DNAI7: variants seen among roughly 807,000 people sequenced by gnomAD.
DNAI7 encodes the protein dynein axonemal intermediate chain 7, also known as cancer susceptibility 1.
In DNAI7, 78 loss-of-function variants were observed where a neutral mutation model predicts 86.6. The observed-to-expected ratio is 0.90, with a 90% CI of 0.75 to 1.09. The LOEUF (loss-of-function observed/expected upper bound fraction) is 1.09. Among genes scored for constraint, DNAI7 ranks in the 50% least tolerant of loss-of-function variants. The pLI is 0.00. For synonymous variants in DNAI7, 274 were observed against 273.0 expected (o/e 1.00, Z -0.04); for missense variants, 753 against 810.2 (o/e 0.93, Z 0.86).
intron 2 of DNAI7, among the ~76,000 whole-genome samples, chr12:25,161,454 A>G (rs1343913110): frequency 6.6e-6 from 1 of 152,216 alleles, no homozygotes; most frequent in South Asian, 2.1e-4. Flanking sequence ...TGCAATTTAA[A>G]TAATTCTCAT....
At chr12:25,158,726 TCAAGACAGTAACTA>T in intron 3 of DNAI7, 163 bp from the exon 4 acceptor site, 1 of 1,462,856 alleles carries the variant, frequency 6.8e-7, no homozygotes, top group Non-Finnish European at 9.0e-7. Context: ...TCTCCTTTCT[TCAAGACAGTAACTA>T]CAAGAAAAAA....
At position 25,155,412 on chromosome 12, in the gene DNAI7, C is replaced by G. The variant is rs1319583634; in HGVS notation, c.199G>C (p.Asp67His). Residue 67 changes from aspartate (D) to histidine (H), a missense_variant and splice_region_variant, in exon 5 of 16, where the codon GAT (aspartate) becomes CAT (histidine). Coordinates refer to ENST00000395987, the MANE Select transcript of DNAI7 (RefSeq NM_018272.5). ...AGTTCTTCATTTCTCCTTTCTAGAT[C>G]CTGTTGCACAAGGACAGATACATTG... ...KEKWHRLEAKDLERRNEELEE... is the reference protein window; with the variant it reads ...KEKWHRLEAKHLERRNEELEE... 6.4e-7 allele frequency: 1 copy of G among 1,550,446 alleles called. No homozygotes were observed. The highest frequency in any genetic ancestry group is 8.9e-7 in the Non-Finnish European group (1 of 1,128,150).
chr12:25,190,724 G>A (rs1235061608), intron 1 of DNAI7, 93 bp from the exon 2 acceptor site: 3 of 633,920 alleles, frequency 4.7e-6, no homozygotes, highest in Admixed American at 6.1e-5. Context: ...ATTAGAAGAA[G>A]CTTGGTAAAG....
At chr12:25,124,805 C>T (rs1194164994) in intron 9 of DNAI7, among the ~76,000 whole-genome samples, 1 of 152,094 alleles carries the variant, frequency 6.6e-6, no homozygotes, top group East Asian at 1.9e-4. Context: ...CCAGTGTCTG[C>T]CATTCTCTTC....
intron 6 of DNAI7, among the ~76,000 whole-genome samples, chr12:25,153,822 C>T (rs78816574): frequency 0.01 from 1,554 of 152,026 alleles, 22 homozygotes; most frequent in African/African-American, 0.035. Context: ...TTTTTTCCCC[C>T]AGTATTTTTA....
At chr12:25,176,330 G>C (rs1272407980) in intron 2 of DNAI7, among the ~76,000 whole-genome samples, 1 of 151,922 alleles carries the variant, frequency 6.6e-6, no homozygotes, top group Non-Finnish European at 1.5e-5. Flanking sequence ...TTGTCTCTAA[G>C]TATTAAAAAT....
At chr12:25,172,216 T>A (rs771689515) in intron 2 of DNAI7, among the ~76,000 whole-genome samples, 25 of 151,568 alleles carry the variant, frequency 1.6e-4, no homozygotes, top group Non-Finnish European at 2.5e-4. Flanking sequence ...CTGAAAACCC[T>A]AGAAAGCTCC....
At chr12:25,188,969 T>C (rs1390519291) in intron 2 of DNAI7, among the ~76,000 whole-genome samples, 1 of 152,152 alleles carries the variant, frequency 6.6e-6, no homozygotes, top group African/African-American at 2.4e-5. Context: ...TTCATAAATT[T>C]TGTTCAGTTA....
intron 9 of DNAI7, among the ~76,000 whole-genome samples, chr12:25,130,398 G>A (rs1240381037): frequency 6.6e-6 from 1 of 151,998 alleles, no homozygotes; most frequent in Non-Finnish European, 1.5e-5. Flanking sequence ...TTAGCCGGGC[G>A]CGGGGGCGGG....
At chr12:25,177,433 T>G (rs1949079436) in intron 2 of DNAI7, among the ~76,000 whole-genome samples, 1 of 152,238 alleles carries the variant, frequency 6.6e-6, no homozygotes, top group African/African-American at 2.4e-5. Flanking sequence ...TTTGCCCTCA[T>G]TTGTGATTTA....
chr12:25,194,638 T>G (rs1412581211), intron 1 of DNAI7, among the ~76,000 whole-genome samples: 2 of 152,200 alleles, frequency 1.3e-5, no homozygotes, highest in African/African-American at 4.8e-5. Context: ...ACAATTCATA[T>G]TCCCACAAAA....
downstream of DNAI7, among the ~76,000 whole-genome samples, chr12:25,107,624 T>G (rs1949282690): frequency 6.6e-6 from 1 of 152,286 alleles, no homozygotes; most frequent in Admixed American, 6.5e-5. Flanking sequence ...GCACATCATT[T>G]CTTTAATCCT....
chr12:25,110,365 T>C (rs531992590), intron 14 of DNAI7, 125 bp from the exon 15 acceptor site: 2 of 633,046 alleles, frequency 3.2e-6, no homozygotes, highest in Non-Finnish European at 2.8e-6. Flanking sequence ...TCAGAGTACA[T>C]GACTCCTCTC....
chr12:25,130,044 G>A (rs1942690604), intron 9 of DNAI7, among the ~76,000 whole-genome samples: 1 of 152,030 alleles, frequency 6.6e-6, no homozygotes, highest in African/African-American at 2.4e-5. Flanking sequence ...TTATAGGCAT[G>A]AGACACCACG....
intron 2 of DNAI7, among the ~76,000 whole-genome samples, chr12:25,179,754 A>G (rs562350140): frequency 6.6e-6 from 1 of 151,702 alleles, no homozygotes; most frequent in Non-Finnish European, 1.5e-5. Context: ...AAAAAAAAAA[A>G]CCCTCAAAAA....
At chr12:25,129,767 ATT>A (rs35452557) in intron 9 of DNAI7, among the ~76,000 whole-genome samples, 28 of 148,864 alleles carry the variant, frequency 1.9e-4, no homozygotes, top group Non-Finnish European at 3.4e-4. Flanking sequence ...TTTTATTTTT[ATT>A]TTTTTTTTTT....
chr12:25,185,540 CAG>C (rs1949950634), intron 2 of DNAI7, among the ~76,000 whole-genome samples: 1 of 152,234 alleles, frequency 6.6e-6, no homozygotes. Context: ...TACTTTCTAT[CAG>C]ACAGTCTGAC....
intron 2 of DNAI7, among the ~76,000 whole-genome samples, chr12:25,182,847 T>C: frequency 6.6e-6 from 1 of 151,606 alleles, no homozygotes; most frequent in Non-Finnish European, 1.5e-5. Flanking sequence ...TCGCTTGAGC[T>C]CAGGAAGTCA....
chr12:25,192,797 G>A, intron 1 of DNAI7: 1 of 131,476 alleles, frequency 7.6e-6, no homozygotes, highest in Non-Finnish European at 1.5e-5. Context: ...TCGCGCCATT[G>A]CATTCCAGCC....
Sources: gnomAD v4.1 joint callset for allele counts (sites outside exome capture counted in the v4.1 genomes callset) on GRCh38, gnomAD v4.1.1 for gene constraint, MANE v1.5 for transcripts, NCBI Gene and HGNC (gene_info 2026-07-23, HGNC 2026-07-21) for gene names.